The following VWA5A variants were observed in gnomAD, a reference collection of about 807,000 sequenced individuals.
VWA5A encodes the protein von Willebrand factor A domain-containing protein 5A.
VWA5A carries 77 observed loss-of-function variants against 84.6 expected under a neutral mutation model. The ratio of observed to expected loss-of-function variants is 0.91; its 90% CI spans 0.76 to 1.10. VWA5A has a LOEUF of 1.10. Among genes scored for constraint, VWA5A ranks in the 50% least tolerant of loss-of-function variants. The pLI is 0.00. For missense variants in VWA5A, 973 were observed against 963.0 expected, an observed-to-expected ratio of 1.01 and a Z score of -0.14; for synonymous variants, 334 against 350.1, an observed-to-expected ratio of 0.95 and a Z score of 0.51.
chr11:124,136,427 C>T, intron 13 of VWA5A, 134 bp downstream of exon 13: 1 of 1,440,112 alleles, frequency 6.9e-7, no homozygotes, highest in Non-Finnish European at 9.5e-7. Context: ...TCCTTCCCAT[C>T]ATTTCAGGTC....
intron 7 of VWA5A, among the ~76,000 whole-genome samples, chr11:124,121,648 A>G (rs79438155): frequency 0.017 from 2,586 of 152,340 alleles, 76 homozygotes; most frequent in African/African-American, 0.058. Flanking sequence ...AGAGGAAGAC[A>G]TGAGGCTAGC....
intron 11 of VWA5A, among the ~76,000 whole-genome samples, chr11:124,132,171 C>A (rs190239648): frequency 2.6e-5 from 4 of 152,030 alleles, no homozygotes; most frequent in Non-Finnish European, 4.4e-5. Flanking sequence ...GTTAGACCAA[C>A]CTTGAATTTC....
Position 124,137,257 on chromosome 11 carries a change from A to C in VWA5A, c.1868A>C (p.Lys623Thr), listed in dbSNP as rs139674415. 15 of 1,613,906 alleles carry C rather than the reference A, an allele frequency of 9.3e-6. No individual in the cohort carries two copies. The highest frequency in any genetic ancestry group is 1.3e-5 in the Non-Finnish European group (15 of 1,179,990). ...GGTGCTTCTGCCCCATTGAAGATAA[A>C]ATGCCAATCAGGTAATGAGTTTTAT... ...LLGASAPLKI[K>T]CQSGFRKALH... Residue 623 changes from lysine to threonine, a missense_variant, in exon 15 of 19, where the codon AAA becomes ACA. Coordinates refer to ENST00000456829, the MANE Select transcript of VWA5A (RefSeq NM_001130142.2).
intron 14 of VWA5A, 132 bp from the exon 15 acceptor site, chr11:124,136,882 AC>A (rs1860606901): frequency 7.6e-7 from 1 of 1,312,232 alleles, no homozygotes; most frequent in South Asian, 1.5e-5. Flanking sequence ...TTATTTCTAA[AC>A]CACCCAAGTC....
At position 124,117,672 on chromosome 11, in the gene VWA5A, G is replaced by A. The variant is rs1219025734; in HGVS notation, c.44-1G>A. The A allele has an allele frequency of 1.2e-6, 2 of 1,614,202 alleles. No individual in the cohort carries two copies. The highest frequency in any genetic ancestry group is 1.7e-5 in the Admixed American group (1 of 60,030). The stretch of plus-strand genomic sequence containing the variant: ...GAACTTGAACTCTGGTCTATCTCCA[G>A]TGCCGCTGAAGAGTATCTCTGTGAG... On this transcript the variant is annotated splice_acceptor_variant, in intron 3 of 18. Transcript: ENST00000456829. LOFTEE classifies it high-confidence loss of function.
Position 124,146,017 on chromosome 11 carries a change from T to C in VWA5A, c.*72T>C, listed in dbSNP as rs11601839. 0.098 allele frequency: 144,500 copies of C among 1,479,114 alleles called. 7,476 individuals are homozygous for C. The highest frequency in any genetic ancestry group is 0.15 in the African/African-American group (11,044 of 71,310). The allele number at this position is 1,479,114 out of a possible 1,614,324, so 91.6% of individuals were successfully genotyped here. On this transcript the variant is annotated 3_prime_UTR_variant, in exon 19 of 19. Coordinates refer to ENST00000456829, the MANE Select transcript of VWA5A (RefSeq NM_001130142.2). Reference sequence around the variant, plus strand: ...TCCTCTAGTATCACTTTTGCTGTGATGATGTGTTCTTGTGTATTATAACTC... The same window carrying C: ...TCCTCTAGTATCACTTTTGCTGTGACGATGTGTTCTTGTGTATTATAACTC...
At chr11:124,116,535 A>T (rs1055740204) in intron 1 of VWA5A, 31 bp from the exon 2 acceptor site, 15 of 152,136 alleles carry the variant, frequency 9.9e-5, no homozygotes, top group African/African-American at 3.4e-4. Context: ...TCTCTGCTTA[A>T]TGTGTTATTA....
chr11:124,141,862 C>T, intron 16 of VWA5A, 121 bp downstream of exon 16: 1 of 1,338,618 alleles, frequency 7.5e-7, no homozygotes, highest in Non-Finnish European at 1.0e-6. Flanking sequence ...CGAAGGGACC[C>T]CCCATGCATT....
chr11:124,118,495 G>C (rs1024552673), intron 5 of VWA5A, 38 bp from the exon 6 acceptor site: 1 of 1,611,406 alleles, frequency 6.2e-7, no homozygotes, highest in Non-Finnish European at 8.5e-7. Context: ...CATAAAAAGT[G>C]TTGGCAAGGA....
At chr11:124,145,434 C>T in intron 18 of VWA5A, 71 bp downstream of exon 18, 2 of 1,492,958 alleles carry the variant, frequency 1.3e-6, no homozygotes, top group Non-Finnish European at 1.8e-6. Flanking sequence ...ACAAGAGAGT[C>T]CCATTGTCAC....
intron 15 of VWA5A, among the ~76,000 whole-genome samples, chr11:124,138,689 C>A (rs1860665643): frequency 6.6e-6 from 1 of 152,124 alleles, no homozygotes; most frequent in Non-Finnish European, 1.5e-5. Context: ...ATATATTAAA[C>A]CCTTATCAGA....
chr11:124,123,595 C>A, intron 9 of VWA5A, 65 bp from the exon 10 acceptor site: 1 of 1,613,108 alleles, frequency 6.2e-7, no homozygotes, highest in South Asian at 1.1e-5. Flanking sequence ...TTTCTCAATT[C>A]AGGGACTCTA....
Position 124,141,429 on chromosome 11 carries a change from A to G in VWA5A, c.1880-169A>G, listed in dbSNP as rs1011912893. ...AGAGGACACAGTAGAAGGAGAGCTCAGAGGGTGAGGGTTTGCGCAGGAGGT... is the reference window on the plus strand; with the variant it reads ...AGAGGACACAGTAGAAGGAGAGCTCGGAGGGTGAGGGTTTGCGCAGGAGGT... On this transcript the variant is annotated intron_variant, in intron 15 of 18. Coordinates refer to ENST00000456829, the MANE Select transcript of VWA5A (RefSeq NM_001130142.2). Among the ~76,000 whole-genome samples the G allele has an allele frequency of 1.1e-4, 16 of 152,296 alleles. No individual in the cohort carries two copies. In the South Asian group the frequency reaches 2.1e-3, roughly 20 times the overall value.
chr11:124,135,859 C>T (rs974556299), intron 12 of VWA5A, among the ~76,000 whole-genome samples: 1 of 152,116 alleles, frequency 6.6e-6, no homozygotes, highest in Non-Finnish European at 1.5e-5. Context: ...TCCTCTTTCC[C>T]AGTAGGTGCC....
At position 124,146,334 on chromosome 11, in the gene VWA5A, C is replaced by T; in HGVS notation, c.*389C>T. 5.1e-6 allele frequency: 1 copy of T among 194,722 alleles called. No homozygotes were observed. The highest frequency in any genetic ancestry group is 9.5e-5 in the South Asian group (1 of 10,578). The allele number at this position is 194,722 out of a possible 1,614,324, so 12.1% of individuals were successfully genotyped here. On this transcript the variant is annotated 3_prime_UTR_variant, in exon 19 of 19. Coordinates refer to ENST00000456829, the MANE Select transcript of VWA5A (RefSeq NM_001130142.2). ...AGAGAATTTTCTGCATTATCTTTGTCTGTTCACTTTCTATCTTATATACTT... is the reference window on the plus strand; with the variant it reads ...AGAGAATTTTCTGCATTATCTTTGTTTGTTCACTTTCTATCTTATATACTT...
chr11:124,126,279 T>A (rs1865017309), intron 11 of VWA5A, among the ~76,000 whole-genome samples: 4 of 152,222 alleles, frequency 2.6e-5, no homozygotes, highest in Admixed American at 2.0e-4. Context: ...AGGAAACCTA[T>A]TGGTATATTG....
Position 124,123,071 on chromosome 11 carries a change from G to A in VWA5A, c.872G>A (p.Ser291Asn), listed in dbSNP as rs764831127. The A allele has an allele frequency of 6.2e-7, 1 of 1,614,136 alleles. No individual in the cohort carries two copies. The highest frequency in any genetic ancestry group is 8.5e-7 in the Non-Finnish European group (1 of 1,180,032). ...EFIFLMDRSG[S>N]MQSPMSSQDT... ...ATCTTTCTCATGGACCGCTCGGGAA[G>A]TATGCAGAGCCCCATGAGTAGCCAG... The change falls in exon 8 of 19, where the codon AGT becomes AAT. Residue 291 changes from serine to asparagine, a missense_variant. Transcript: ENST00000456829.
intron 4 of VWA5A, 118 bp from the exon 5 acceptor site, chr11:124,118,071 G>C: frequency 1.5e-6 from 2 of 1,299,802 alleles, no homozygotes; most frequent in Non-Finnish European, 1.1e-6. Flanking sequence ...GGCATTCAGA[G>C]TATAGCTGTG....
chr11:124,123,988 T>G (rs548806645), intron 10 of VWA5A, among the ~76,000 whole-genome samples, 184 bp downstream of exon 10: 3 of 152,104 alleles, frequency 2.0e-5, no homozygotes, highest in Non-Finnish European at 4.4e-5. Flanking sequence ...CGATGGACAC[T>G]GGAAGGCCTT....
Sources: gnomAD v4.1 joint callset for allele counts (sites outside exome capture counted in the v4.1 genomes callset) on GRCh38, gnomAD v4.1.1 for gene constraint, MANE v1.5 for transcripts, NCBI Gene and HGNC (gene_info 2026-07-23, HGNC 2026-07-21) for gene names.